Variants in FAM107B observed in about 807,000 individuals in gnomAD.
FAM107B encodes family with sequence similarity 107 member B.
A neutral mutation model predicts 31.5 loss-of-function variants in FAM107B; 21 were observed. The ratio of observed to expected loss-of-function variants is 0.67; its 90% CI spans 0.47 to 0.96. The LOEUF (loss-of-function observed/expected upper bound fraction) is 0.96. FAM107B is among the 40% of genes least tolerant of loss of function. FAM107B has a pLI of 0.00. For synonymous variants in FAM107B, 157 were observed against 141.5 expected, an observed-to-expected ratio of 1.11 and a Z score of -0.78; for missense variants, 452 against 377.1, an observed-to-expected ratio of 1.20 and a Z score of -1.64.
chr10:14,734,580 G>A (rs551666961), intron 1 of FAM107B, among the ~76,000 whole-genome samples: 9 of 150,386 alleles, frequency 6.0e-5, no homozygotes, highest in African/African-American at 1.7e-4. Context: ...AATGTGGCCC[G>A]GGGAAGCCAA....
intron 2 of FAM107B, among the ~76,000 whole-genome samples, chr10:14,606,070 C>T (rs1852581872): frequency 6.6e-6 from 1 of 152,120 alleles, no homozygotes; most frequent in African/African-American, 2.4e-5. Flanking sequence ...CTGCTTGAAA[C>T]ACTTTAGTGG....
chr10:14,750,368 T>C (rs971596034), intron 1 of FAM107B, among the ~76,000 whole-genome samples: 1 of 152,038 alleles, frequency 6.6e-6, no homozygotes, highest in African/African-American at 2.4e-5. Flanking sequence ...TCCCAGCACT[T>C]TGGGAGAGCA....
In FAM107B at chr10:14,621,759, G is replaced by A. The variant is rs79310294; in HGVS notation, c.469+45875C>T. On this transcript the variant is annotated intron_variant, in intron 2 of 4. Coordinates refer to ENST00000181796, the MANE Select transcript of FAM107B (RefSeq NM_031453.4). ...GGCTTTTTTTGAGGCCTTCCCAGCC[G>A]ATGTGGGGTGGCACCAGCCCCATTC... Among the ~76,000 whole-genome samples the A allele has an allele frequency of 6.7e-3, 1,018 of 152,228 alleles. 6 individuals carry two copies. The highest frequency in any genetic ancestry group is 9.7e-3 in the Non-Finnish European group (661 of 68,018).
intron 2 of FAM107B, among the ~76,000 whole-genome samples, chr10:14,626,255 TCTC>T (rs34891714): frequency 0.36 from 54,751 of 151,852 alleles, 11,129 homozygotes; most frequent in Non-Finnish European, 0.45. Context: ...ATTGCTCCCT[TCTC>T]CTCTGTCTTC....
chr10:14,604,198 C>T, intron 2 of FAM107B: 2 of 979,506 alleles, frequency 2.0e-6, no homozygotes, highest in East Asian at 1.2e-4. Context: ...TCCCCGCGCC[C>T]CTCGTCTTTG....
intron 1 of FAM107B, among the ~76,000 whole-genome samples, chr10:14,676,295 G>C (rs1357140878): frequency 6.6e-6 from 1 of 152,130 alleles, no homozygotes; most frequent in African/African-American, 2.4e-5. Flanking sequence ...CCAGTACCAA[G>C]AGTCTTCCAT....
chr10:14,555,227 T>C (rs1375200821), intron 2 of FAM107B, among the ~76,000 whole-genome samples: 7 of 152,232 alleles, frequency 4.6e-5, no homozygotes, highest in Non-Finnish European at 8.8e-5. Flanking sequence ...ATGACATAAA[T>C]TGAATTTATA....
intron 2 of FAM107B, among the ~76,000 whole-genome samples, chr10:14,656,039 C>T (rs1324637191): frequency 6.6e-6 from 1 of 152,148 alleles, no homozygotes. Flanking sequence ...ACTTCATCAG[C>T]TCCTCCTCCC....
intron 2 of FAM107B, among the ~76,000 whole-genome samples, chr10:14,638,791 T>C (rs2131429159): frequency 6.6e-6 from 1 of 152,302 alleles, no homozygotes; most frequent in South Asian, 2.1e-4. Flanking sequence ...GTCTCATGTC[T>C]AGATGTTGCA....
intron 1 of FAM107B, among the ~76,000 whole-genome samples, chr10:14,707,636 A>G (rs1855552299): frequency 6.6e-6 from 1 of 152,220 alleles, no homozygotes; most frequent in Admixed American, 6.5e-5. Context: ...CTCTGCTGAA[A>G]GCTGTGACGT....
intron 2 of FAM107B, among the ~76,000 whole-genome samples, chr10:14,567,325 G>A (rs564540857): frequency 6.6e-6 from 1 of 152,300 alleles, no homozygotes; most frequent in African/African-American, 2.4e-5. Flanking sequence ...GGGAAGGTCA[G>A]AGAATGGCCT....
chr10:14,585,247 T>C lies in FAM107B; in HGVS notation c.470-54732A>G, dbSNP rs560911154. ...TTGTTTGTGCGTTTTGTCCAATTCT[T>C]TGTTCAAAATGCCAAGAACCTGGAC... is the stretch of plus-strand genomic sequence containing the variant. On this transcript the variant is annotated intron_variant, in intron 2 of 4. Coordinates refer to ENST00000181796, the MANE Select transcript of FAM107B (RefSeq NM_031453.4). Among the ~76,000 whole-genome samples, 122 of 152,312 alleles carry C rather than the reference T, an allele frequency of 8.0e-4. 1 individual carries two copies. Among genetic ancestry groups the C allele is most frequent in the Admixed American group, 2.3e-3 (35 of 15,296 alleles).
chr10:14,542,889 A>G (rs1848353647), intron 2 of FAM107B, among the ~76,000 whole-genome samples: 1 of 152,234 alleles, frequency 6.6e-6, no homozygotes, highest in African/African-American at 2.4e-5. Flanking sequence ...AAATAGATAT[A>G]TTAGTACACT....
chr10:14,566,840 T>C (rs1000706815), intron 2 of FAM107B, among the ~76,000 whole-genome samples: 9 of 152,134 alleles, frequency 5.9e-5, no homozygotes, highest in Non-Finnish European at 1.0e-4. Context: ...GAGAAGGAAA[T>C]ACCAGGAGAG....
intron 2 of FAM107B, among the ~76,000 whole-genome samples, chr10:14,591,901 C>A (rs965505826): frequency 6.6e-6 from 1 of 151,344 alleles, no homozygotes; most frequent in African/African-American, 2.4e-5. Context: ...GAACATTCTA[C>A]GGAACAAGTG....
At position 14,774,379 on chromosome 10, in the gene FAM107B, G is replaced by C. The variant is rs144131218; in HGVS notation, c.285C>G (p.His95Gln). 11,328 of 1,614,212 alleles carry C rather than the reference G, an allele frequency of 7.0e-3. 74 individuals carry two copies. The highest frequency in any genetic ancestry group is 0.026 in the Middle Eastern group (157 of 6,062). The change falls in exon 1 of 5, where the codon CAC (histidine) becomes CAG (glutamine). Residue 95 changes from histidine (H) to glutamine (Q), a missense_variant. Coordinates refer to ENST00000181796, the MANE Select transcript of FAM107B (RefSeq NM_031453.4). ...RNGSANRNSS[H>Q]RTAAQPAETP... Reference sequence around the variant, plus strand: ...TCTCCGCGGGCTGGGCCGCAGTGCGGTGACTTGAATTCCGATTCGCACTGC... The same window carrying C: ...TCTCCGCGGGCTGGGCCGCAGTGCGCTGACTTGAATTCCGATTCGCACTGC...
At chr10:14,524,204 G>A (rs2130782350) in intron 3 of FAM107B, among the ~76,000 whole-genome samples, 1 of 152,078 alleles carries the variant, frequency 6.6e-6, no homozygotes, top group East Asian at 1.9e-4. Context: ...ACCACGACCG[G>A]ATAATTTTTT....
intron 1 of FAM107B, among the ~76,000 whole-genome samples, chr10:14,766,044 G>A (rs1833154728): frequency 6.6e-6 from 1 of 152,126 alleles, no homozygotes. Flanking sequence ...CCAAGTCTTG[G>A]CTTCTAGACA....
intron 2 of FAM107B, among the ~76,000 whole-genome samples, chr10:14,641,434 C>A (rs563665617): frequency 6.6e-5 from 10 of 152,000 alleles, no homozygotes; most frequent in Non-Finnish European, 1.5e-4. Context: ...TAGCTCAGGC[C>A]GCCATAACAA....
Sources: allele counts gnomAD v4.1 joint callset (sites outside exome capture counted in the v4.1 genomes callset), GRCh38; gene constraint gnomAD v4.1.1; transcripts MANE v1.5; gene names NCBI Gene and HGNC (gene_info 2026-07-23, HGNC 2026-07-21).